ZNF609: variants seen among roughly 807,000 people sequenced by gnomAD.
ZNF609 encodes the protein zinc finger protein 609.
ZNF609 carries 11 observed loss-of-function variants against 109.5 expected under a neutral mutation model. That is an observed-to-expected ratio of 0.10 (90% CI 0.06 to 0.17). The LOEUF (loss-of-function observed/expected upper bound fraction) is 0.17. Among genes scored for constraint, ZNF609 ranks in the 10% least tolerant of loss-of-function variants. ZNF609 has a pLI of 1.00. For synonymous variants in ZNF609, 646 were observed against 662.0 expected (o/e 0.98, Z 0.37); for missense variants, 1,559 against 1,772.4 (o/e 0.88, Z 2.16).
intron 2 of ZNF609, among the ~76,000 whole-genome samples, chr15:64,554,910 A>G (rs978148580): frequency 4.6e-5 from 7 of 151,972 alleles, no homozygotes; most frequent in African/African-American, 1.7e-4. Context: ...CAGCCTGGCC[A>G]ACATGCTGAA....
chr15:64,596,424 GATT>G (rs1305084853), intron 2 of ZNF609, among the ~76,000 whole-genome samples: 1 of 152,046 alleles, frequency 6.6e-6, no homozygotes, highest in Non-Finnish European at 1.5e-5. Flanking sequence ...AAAGTGCTGA[GATT>G]ACAGGCGTGA....
At chr15:64,461,267 C>G (rs1433637102) in intron 1 of ZNF609, among the ~76,000 whole-genome samples, 1 of 151,178 alleles carries the variant, frequency 6.6e-6, no homozygotes, top group African/African-American at 2.4e-5. Context: ...GGGTCGGAAG[C>G]AGGACGTGTG....
chr15:64,509,668 T>TG (rs1206363174), intron 2 of ZNF609, among the ~76,000 whole-genome samples: 3 of 152,366 alleles, frequency 2.0e-5, no homozygotes, highest in Admixed American at 6.5e-5. Flanking sequence ...AAGTGTGTGT[T>TG]GGACTTCTTT....
intron 2 of ZNF609, among the ~76,000 whole-genome samples, chr15:64,566,294 C>T (rs1399952517): frequency 6.6e-6 from 1 of 152,216 alleles, no homozygotes; most frequent in African/African-American, 2.4e-5. Flanking sequence ...CATGTGACTA[C>T]ACTCCAGCTG....
intron 2 of ZNF609, among the ~76,000 whole-genome samples, chr15:64,600,719 G>A (rs1379241880): frequency 1.1e-4 from 16 of 147,654 alleles, no homozygotes; most frequent in South Asian, 2.2e-4. Flanking sequence ...GAAAGGAAGG[G>A]AAAGAAAGAA....
rs1459093375 is a variant in ZNF609 at position 64,680,371 on chromosome 15, TAC to T, written c.3945+13_3945+14del. 10 of 1,612,704 alleles carry T rather than the reference TAC, an allele frequency of 6.2e-6. No homozygotes were observed. In the African/African-American group the frequency reaches 1.2e-4, roughly 19 times the overall value. ...AGCAAGTCTCCCACGGTAAGAAAAG[TAC>T]AGTGATGCTGGCTGTTACCCAAAGA... is the stretch of plus-strand genomic sequence containing the variant. On this transcript the variant is annotated intron_variant, in intron 7 of 9. Coordinates refer to ENST00000326648, the MANE Select transcript of ZNF609 (RefSeq NM_015042.2).
intron 2 of ZNF609, among the ~76,000 whole-genome samples, chr15:64,594,473 C>T (rs1331323054): frequency 1.3e-5 from 2 of 151,756 alleles, no homozygotes; most frequent in Admixed American, 1.3e-4. Flanking sequence ...GCTGGGACTA[C>T]AGGCTCTTAA....
At position 64,539,532 on chromosome 15, in the gene ZNF609, C is replaced by G. The variant is rs144322928; in HGVS notation, c.747+39366C>G. ...AATTTTTTTATTTTTGAGACAGAGT[C>G]TCACTCTGTCACCCAGGCTGGAGTG... On this transcript the variant is annotated intron_variant, in intron 2 of 9. Coordinates refer to ENST00000326648, the MANE Select transcript of ZNF609 (RefSeq NM_015042.2). Among the ~76,000 whole-genome samples, 363 of 148,560 alleles carry G rather than the reference C, an allele frequency of 2.4e-3. 2 individuals carry two copies. Among genetic ancestry groups the G allele is most frequent in the African/African-American group, 8.7e-3 (350 of 40,338 alleles).
At chr15:64,564,143 T>C (rs1045872937) in intron 2 of ZNF609, among the ~76,000 whole-genome samples, 1 of 151,180 alleles carries the variant, frequency 6.6e-6, no homozygotes, top group African/African-American at 2.4e-5. Flanking sequence ...AGCCTTTATC[T>C]AGTATATGCA....
At chr15:64,557,279 G>T (rs191206169) in intron 2 of ZNF609, among the ~76,000 whole-genome samples, 2 of 150,016 alleles carry the variant, frequency 1.3e-5, no homozygotes, top group African/African-American at 4.9e-5. Flanking sequence ...TTTTTTGTAC[G>T]TGCAGTGATT....
At position 64,675,438 on chromosome 15, in the gene ZNF609, G is replaced by A. The variant is rs780345531; in HGVS notation, c.2584G>A (p.Val862Ile). The change falls in exon 5 of 10, where the codon GTC (valine) becomes ATC (isoleucine). Residue 862 changes from valine to isoleucine, a missense_variant. Val to Ile is a conservative substitution (Grantham distance 29). Transcript: ENST00000326648. Reference sequence around the variant, plus strand: ...GGATGGGGAGGGCAAGGTAGACAGTGTCAAATCAAAGGACGCCGAACAGTT... The same window carrying A: ...GGATGGGGAGGGCAAGGTAGACAGTATCAAATCAAAGGACGCCGAACAGTT... ...GEDGEGKVDS[V>I]KSKDAEQLVK... is the part of the protein sequence containing the mutation. 6.2e-7 allele frequency: 1 copy of A among 1,614,174 alleles called. No homozygotes were observed. The highest frequency in any genetic ancestry group is 8.5e-7 in the Non-Finnish European group (1 of 1,180,024).
intron 1 of ZNF609, among the ~76,000 whole-genome samples, chr15:64,482,801 A>G (rs1433867634): frequency 6.6e-6 from 1 of 152,198 alleles, no homozygotes; most frequent in Non-Finnish European, 1.5e-5. Flanking sequence ...TATGGTAAGG[A>G]AGGTCAGACC....
At chr15:64,496,650 C>T (rs1433494692) in intron 1 of ZNF609, among the ~76,000 whole-genome samples, 2 of 152,166 alleles carry the variant, frequency 1.3e-5, no homozygotes, top group African/African-American at 4.8e-5. Context: ...AGTTTAGTGC[C>T]TGGCACGTTG....
In ZNF609 at chr15:64,679,361, G is replaced by A. The variant is rs559891493; in HGVS notation, c.3770-824G>A. ...TGCTGAGATACAGGCATGAGCCACCGCTCCGGCCTTAAATGTTTTTTAACT... is the reference window on the plus strand; with the variant it reads ...TGCTGAGATACAGGCATGAGCCACCACTCCGGCCTTAAATGTTTTTTAACT... On this transcript the variant is annotated intron_variant, in intron 6 of 9. Transcript: ENST00000326648. 3.3e-5 allele frequency among the ~76,000 whole-genome samples: 5 copies of A among 152,258 alleles called. No individual in the cohort carries two copies. The South Asian group carries it at 6.2e-4, about 19-fold the overall frequency.
intron 2 of ZNF609, chr15:64,529,789 G>A: frequency 2.1e-6 from 1 of 480,592 alleles, no homozygotes; most frequent in Non-Finnish European, 3.9e-6. Context: ...GGAGTGCAAT[G>A]GTGCAACCTC....
intron 2 of ZNF609, among the ~76,000 whole-genome samples, chr15:64,544,122 T>A (rs1349791887): frequency 6.6e-6 from 1 of 152,186 alleles, no homozygotes; most frequent in East Asian, 1.9e-4. Context: ...GCGGATCACC[T>A]TAGGTCAGGA....
intron 1 of ZNF609, among the ~76,000 whole-genome samples, chr15:64,480,187 C>T (rs1212351056): frequency 6.6e-6 from 1 of 151,682 alleles, no homozygotes; most frequent in Non-Finnish European, 1.5e-5. Context: ...TGCAGTGAGC[C>T]GATATCGTGC....
chr15:64,626,970 T>C (rs1895972162), intron 3 of ZNF609, among the ~76,000 whole-genome samples: 2 of 152,094 alleles, frequency 1.3e-5, no homozygotes, highest in South Asian at 2.1e-4. Context: ...ATACTGAGTA[T>C]GTCCGAGGCG....
intron 1 of ZNF609, among the ~76,000 whole-genome samples, chr15:64,488,930 G>T (rs1380635895): frequency 6.6e-6 from 1 of 150,438 alleles, no homozygotes; most frequent in Non-Finnish European, 1.5e-5. Flanking sequence ...AAGAAAGAAA[G>T]AAAGAAAGAA....
Sources: gnomAD v4.1 joint callset for allele counts (sites outside exome capture counted in the v4.1 genomes callset) on GRCh38, gnomAD v4.1.1 for gene constraint, MANE v1.5 for transcripts, NCBI Gene and HGNC (gene_info 2026-07-23, HGNC 2026-07-21) for gene names.